The following NRG3 variants were observed in gnomAD, a reference collection of about 807,000 sequenced individuals.
The protein encoded by NRG3 is neuregulin 3, also known as pro-neuregulin-3, membrane-bound isoform.
Under a neutral mutation model 66.9 loss-of-function variants are expected in NRG3, and 31 were observed. The ratio of observed to expected loss-of-function variants is 0.46; its 90% CI spans 0.35 to 0.63. The LOEUF (loss-of-function observed/expected upper bound fraction) is 0.63. Ranked by LOEUF, NRG3 falls within the 20% of genes least tolerant of loss-of-function variation. NRG3 has a pLI of 0.00. For missense variants in NRG3, 910 were observed against 878.9 expected, an observed-to-expected ratio of 1.04 and a Z score of -0.45; for synonymous variants, 393 against 359.4, an observed-to-expected ratio of 1.09 and a Z score of -1.06.
At chr10:81,959,327 T>C (rs1313611479) in intron 1 of NRG3, among the ~76,000 whole-genome samples, 1 of 152,118 alleles carries the variant, frequency 6.6e-6, no homozygotes, top group Non-Finnish European at 1.5e-5. Context: ...AAATAATACA[T>C]ATCCTCATGG....
chr10:82,424,679 T>A (rs1006073668), intron 2 of NRG3, among the ~76,000 whole-genome samples: 2 of 152,098 alleles, frequency 1.3e-5, no homozygotes, highest in African/African-American at 4.8e-5. Context: ...TTATTGTTGC[T>A]GACCTTTTGT....
chr10:82,003,842 G>A (rs1357427665), intron 1 of NRG3, among the ~76,000 whole-genome samples: 1 of 152,064 alleles, frequency 6.6e-6, no homozygotes, highest in African/African-American at 2.4e-5. Flanking sequence ...GGTAAAGGAA[G>A]TTGCTGTGCC....
At chr10:82,061,435 A>C (rs934660697) in intron 1 of NRG3, among the ~76,000 whole-genome samples, 7 of 152,114 alleles carry the variant, frequency 4.6e-5, no homozygotes, top group African/African-American at 1.7e-4. Flanking sequence ...ATCTAGTTGA[A>C]TTTATATTGT....
intron 1 of NRG3, among the ~76,000 whole-genome samples, chr10:82,276,892 A>C (rs1387988733): frequency 1.3e-5 from 2 of 152,074 alleles, no homozygotes; most frequent in Non-Finnish European, 2.9e-5. Flanking sequence ...CAGTTAAAAA[A>C]GATAGTACAT....
chr10:82,489,247 C>T (rs1367151777), intron 2 of NRG3, among the ~76,000 whole-genome samples: 3 of 152,156 alleles, frequency 2.0e-5, no homozygotes, highest in African/African-American at 7.2e-5. Flanking sequence ...TATTTTTTAA[C>T]ATATCCCCAC....
In NRG3 at chr10:82,440,770, T is replaced by C. The variant is rs2090396002; in HGVS notation, c.953+81902T>C. 2.0e-5 allele frequency among the ~76,000 whole-genome samples: 3 copies of C among 152,306 alleles called. No individual in the cohort carries two copies. The South Asian group carries it at 6.2e-4, about 32-fold the overall frequency. On this transcript the variant is annotated intron_variant, in intron 2 of 8. Coordinates refer to ENST00000372141, the MANE Select transcript of NRG3 (RefSeq NM_001010848.4). ...TTCATAAAAATCATCTGCTAAACAC[T>C]TAAGACATTATATTATATTAGCTTA...
intron 2 of NRG3, among the ~76,000 whole-genome samples, chr10:82,361,614 A>C (rs371699694): frequency 3.3e-5 from 5 of 152,238 alleles, no homozygotes; most frequent in African/African-American, 1.2e-4. Context: ...ACTATTGAAT[A>C]AATACATACA....
At chr10:82,006,332 G>T (rs191177541) in intron 1 of NRG3, among the ~76,000 whole-genome samples, 1 of 151,854 alleles carries the variant, frequency 6.6e-6, no homozygotes, top group Admixed American at 6.6e-5. Context: ...GAATTTATCC[G>T]TTCCTTTTGC....
intron 3 of NRG3, among the ~76,000 whole-genome samples, chr10:82,795,175 T>A (rs2060748365): frequency 6.6e-6 from 1 of 152,188 alleles, no homozygotes; most frequent in Non-Finnish European, 1.5e-5. Flanking sequence ...GAGAAAGCAG[T>A]ATTTTTTATA....
chr10:82,977,585 G>A (rs1852414747), intron 7 of NRG3, among the ~76,000 whole-genome samples: 1 of 150,046 alleles, frequency 6.7e-6, no homozygotes, highest in East Asian at 2.0e-4. Context: ...CTTCAGCCTG[G>A]GTGACTCTGT....
intron 2 of NRG3, among the ~76,000 whole-genome samples, chr10:82,385,437 C>A (rs1025888451): frequency 1.3e-5 from 2 of 152,072 alleles, no homozygotes; most frequent in African/African-American, 2.4e-5. Flanking sequence ...AAAAATACTT[C>A]TTGAGCAAAT....
intron 2 of NRG3, among the ~76,000 whole-genome samples, chr10:82,634,572 A>G (rs993604845): frequency 3.9e-5 from 6 of 152,214 alleles, no homozygotes; most frequent in African/African-American, 1.4e-4. Context: ...GACCCAGAAG[A>G]GAGCCAATGC....
At chr10:82,814,250 T>A (rs1311329512) in intron 3 of NRG3, among the ~76,000 whole-genome samples, 1 of 152,202 alleles carries the variant, frequency 6.6e-6, no homozygotes, top group East Asian at 1.9e-4. Context: ...CACTATTGAG[T>A]TAACTTTGGC....
chr10:82,536,865 T>G (rs1847863172), intron 2 of NRG3, among the ~76,000 whole-genome samples: 1 of 151,264 alleles, frequency 6.6e-6, no homozygotes, highest in Admixed American at 6.6e-5. Context: ...ATTAAATATT[T>G]TTATTATTAA....
At chr10:81,933,154 T>A (rs906311877) in intron 1 of NRG3, among the ~76,000 whole-genome samples, 1 of 151,616 alleles carries the variant, frequency 6.6e-6, no homozygotes, top group Non-Finnish European at 1.5e-5. Flanking sequence ...TTGTTCTTTC[T>A]GATCACATAT....
chr10:82,735,165 G>A (rs1261182687), intron 2 of NRG3, among the ~76,000 whole-genome samples: 1 of 152,172 alleles, frequency 6.6e-6, no homozygotes, highest in African/African-American at 2.4e-5. Flanking sequence ...CAATTACAAT[G>A]TCTCGGCTCT....
intron 3 of NRG3, among the ~76,000 whole-genome samples, chr10:82,760,991 A>G (rs906931552): frequency 7.9e-5 from 12 of 151,444 alleles, no homozygotes; most frequent in Admixed American, 4.6e-4. Context: ...TTAGAACTAG[A>G]AAAAAAAATT....
chr10:81,991,042 G>T (rs1444362796), intron 1 of NRG3, among the ~76,000 whole-genome samples: 2 of 152,038 alleles, frequency 1.3e-5, no homozygotes, highest in Admixed American at 1.3e-4. Context: ...AACTTACATG[G>T]TACTTATTTA....
chr10:81,985,504 T>C (rs1461847128), intron 1 of NRG3, among the ~76,000 whole-genome samples: 1 of 152,224 alleles, frequency 6.6e-6, no homozygotes, highest in Non-Finnish European at 1.5e-5. Context: ...ATGATATTTC[T>C]AACACATCCC....
Sources: gnomAD v4.1 joint callset for allele counts (sites outside exome capture counted in the v4.1 genomes callset) on GRCh38, gnomAD v4.1.1 for gene constraint, MANE v1.5 for transcripts, NCBI Gene and HGNC (gene_info 2026-07-23, HGNC 2026-07-21) for gene names.